The following LAMA5 variants were observed in gnomAD, a reference collection of about 807,000 sequenced individuals.
The protein encoded by LAMA5 is laminin subunit alpha-5.
LAMA5 carries 260 observed loss-of-function variants against 433.4 expected under a neutral mutation model. That is an observed-to-expected ratio of 0.60 (90% CI 0.54 to 0.66). The LOEUF is 0.66. LAMA5 is among the 30% of genes least tolerant of loss of function. The pLI is 0.00. For synonymous variants in LAMA5, 2,620 were observed against 2,226.6 expected, an observed-to-expected ratio of 1.18 and a Z score of -4.97; for missense variants, 5,378 against 5,258.5, an observed-to-expected ratio of 1.02 and a Z score of -0.70.
At chr20:62,319,468 G>A (rs539692703) in intron 51 of LAMA5, among the ~76,000 whole-genome samples, 36 of 152,262 alleles carry the variant, frequency 2.4e-4, no homozygotes, top group South Asian at 2.1e-3. Context: ...GGAGGCTGTC[G>A]AGGGGTCTGA....
At position 62,314,698 on chromosome 20, in the gene LAMA5, G is replaced by A. The variant is rs1276670963; in HGVS notation, c.8224C>T (p.Arg2742Cys). The change falls in exon 61 of 80, where the codon CGC becomes TGC. Residue 2742 changes from arginine to cysteine, a missense_variant. Physicochemically the swap from Arg to Cys is radical, Grantham distance 180 (BLOSUM62 -3). Coordinates refer to ENST00000252999, the MANE Select transcript of LAMA5 (RefSeq NM_005560.6). ...GGGGTGCGCAGCTGCACCCCTGAGC[G>A]CCCGTTGAACTTCATGGGCACCTTG... ...KVKVPMKFNGRSGVQLRTPRD... is the reference protein window; with the variant it reads ...KVKVPMKFNGCSGVQLRTPRD... 10 of 1,612,592 alleles carry A rather than the reference G, an allele frequency of 6.2e-6. No individual in the cohort carries two copies. Among genetic ancestry groups the A allele is most frequent in the Middle Eastern group, 1.7e-4 (1 of 6,052 alleles).
chr20:62,323,903 G>T (rs772454931), intron 43 of LAMA5, 47 bp from the exon 44 acceptor site: 1 of 1,542,650 alleles, frequency 6.5e-7, no homozygotes, highest in Non-Finnish European at 8.8e-7. Flanking sequence ...GCAGTGCCCG[G>T]GCCCGGGCGA....
rs1268920441 is a variant in LAMA5 at position 62,327,855 on chromosome 20, C to T, written c.4797+11G>A. 6.2e-7 allele frequency: 1 copy of T among 1,600,304 alleles called. No individual in the cohort carries two copies. The highest frequency in any genetic ancestry group is 1.1e-5 in the South Asian group (1 of 89,428). On this transcript the variant is annotated intron_variant, in intron 36 of 79. Coordinates refer to ENST00000252999, the MANE Select transcript of LAMA5 (RefSeq NM_005560.6). ...AGGGAGAGGCCAGATCTGGGCCCAG[C>T]CCTCACTCACCTTACAGTAGCACTG... is the stretch of plus-strand genomic sequence containing the variant.
At position 62,312,908 on chromosome 20, in the gene LAMA5, G is replaced by C. The variant is rs138425104; in HGVS notation, c.9058C>G (p.Leu3020Val). 64 of 1,583,276 alleles carry C rather than the reference G, an allele frequency of 4.0e-5. No individual in the cohort carries two copies. Among genetic ancestry groups the C allele is most frequent in the Non-Finnish European group, 5.2e-5 (60 of 1,163,164 alleles). The change falls in exon 66 of 80, where the codon CTG (leucine) becomes GTG (valine). Residue 3020 changes from leucine (L) to valine (V), a missense_variant. By Grantham distance (32) the Leu-to-Val change is conservative (BLOSUM62 1). Transcript: ENST00000252999. ...CCTACCGCCTTGCTGGCCGAGGTCA[G>C]GGGCGGTGGGGGCTGCAGTGGGACG... ...KAVPLQPPPP[L>V]TSASKAIQVF...
rs1215136611 is a variant in LAMA5 at position 62,311,390 on chromosome 20, G to A, written c.9942+11C>T. 1.3e-6 allele frequency: 2 copies of A among 1,550,532 alleles called. No homozygotes were observed. The highest frequency in any genetic ancestry group is 1.7e-6 in the Non-Finnish European group (2 of 1,146,418). ...ACCCCAGCTCTGCCTGCTCACCCCT[G>A]GGGTGCCCACCTTCCGGGCGGTGGC... On this transcript the variant is annotated intron_variant, in intron 72 of 79. Coordinates refer to ENST00000252999, the MANE Select transcript of LAMA5 (RefSeq NM_005560.6).
intron 45 of LAMA5, 108 bp from the exon 46 acceptor site, chr20:62,322,866 A>C (rs1978535216): frequency 1.4e-6 from 1 of 714,140 alleles, no homozygotes; most frequent in South Asian, 2.1e-5. Flanking sequence ...TGTCTCCTCC[A>C]GGCCGCCCGG....
At chr20:62,341,267 T>G (rs1414007653) in intron 11 of LAMA5, among the ~76,000 whole-genome samples, 1 of 150,946 alleles carries the variant, frequency 6.6e-6, no homozygotes, top group East Asian at 1.9e-4. Flanking sequence ...TGAAAGAAAA[T>G]AAAACCCCAA....
Position 62,311,089 on chromosome 20 carries a change from CTG to C in LAMA5, c.10092_10093del (p.Ser3367HisfsTer175), listed in dbSNP as rs1986218490. ...TCGCGGGAGGACGTGCATGGAGAGA[CTG>C]GGCCTGGAAGCGGAGCTGGCGTCAG... On this transcript the variant is annotated frameshift_variant, in exon 74 of 80. Transcript: ENST00000252999. LOFTEE classifies it high-confidence loss of function. 1 of 1,577,314 alleles carries C rather than the reference CTG, an allele frequency of 6.3e-7. No homozygotes were observed.
At chr20:62,312,837 C>T (rs781397447) in intron 66 of LAMA5, 51 bp downstream of exon 66, 15 of 1,601,858 alleles carry the variant, frequency 9.4e-6, no homozygotes, top group African/African-American at 2.7e-5. Flanking sequence ...TGCCCCGCCC[C>T]CATCGTTCCA....
Position 62,317,432 on chromosome 20 carries a change from A to G in LAMA5, c.7424T>C (p.Phe2475Ser), listed in dbSNP as rs1568906517. 3.7e-6 allele frequency: 6 copies of G among 1,605,436 alleles called. No individual in the cohort carries two copies. Among genetic ancestry groups the G allele is most frequent in the East Asian group, 4.5e-5 (2 of 44,736 alleles). ...RTPLLQRMQT[F>S]SPAGSKLRLV... Reference sequence around the variant, plus strand: ...ACGCAGCTTGCTGCCCGCCGGGGAGAAGGTCTGCATCCTCTGCAGCAGTGG... The same window carrying G: ...ACGCAGCTTGCTGCCCGCCGGGGAGGAGGTCTGCATCCTCTGCAGCAGTGG... Residue 2475 changes from phenylalanine to serine, a missense_variant, in exon 55 of 80, where the codon TTC becomes TCC. Transcript: ENST00000252999.
chr20:62,347,336 T>C (rs1601397661), intron 6 of LAMA5, among the ~76,000 whole-genome samples: 1 of 151,924 alleles, frequency 6.6e-6, no homozygotes, highest in South Asian at 2.1e-4. Context: ...ACTGACCGGG[T>C]GGGGCCTAGG....
At position 62,310,000 on chromosome 20, in the gene LAMA5, G is replaced by A; in HGVS notation, c.10816C>T (p.His3606Tyr). 1 of 1,610,884 alleles carries A rather than the reference G, an allele frequency of 6.2e-7. No individual in the cohort carries two copies. The highest frequency in any genetic ancestry group is 1.1e-5 in the South Asian group (1 of 91,058). Reference protein sequence around the residue: ...RPSVLCDGQWHRLAVMKSGNV... With the variant: ...RPSVLCDGQWYRLAVMKSGNV... ...GGAGGGGCCTCACCCGCTAGCCGGT[G>A]CCACTGGCCATCACACAGCACTGAG... The change falls in exon 78 of 80, where the codon CAC (histidine) becomes TAC (tyrosine). Residue 3606 changes from histidine (H) to tyrosine (Y), a missense_variant. Physicochemically the swap from His to Tyr is moderately conservative, Grantham distance 83. Coordinates refer to ENST00000252999, the MANE Select transcript of LAMA5 (RefSeq NM_005560.6).
intron 2 of LAMA5, among the ~76,000 whole-genome samples, chr20:62,355,948 C>T (rs1985152517): frequency 6.6e-6 from 1 of 152,228 alleles, no homozygotes; most frequent in African/African-American, 2.4e-5. Context: ...CTGGGAGCCG[C>T]CCCCGCTGTT....
chr20:62,310,439 C>T lies in LAMA5; in HGVS notation c.10580G>A (p.Ser3527Asn). 9 of 1,604,848 alleles carry T rather than the reference C, an allele frequency of 5.6e-6. No individual in the cohort carries two copies. The highest frequency in any genetic ancestry group is 7.6e-6 in the Non-Finnish European group (9 of 1,176,708). The change falls in exon 76 of 80, where the codon AGC (serine) becomes AAC (asparagine). Residue 3527 changes from serine (S) to asparagine (N), a missense_variant. Ser to Asn is a conservative substitution (Grantham distance 46). Coordinates refer to ENST00000252999, the MANE Select transcript of LAMA5 (RefSeq NM_005560.6). ...CAGACCTAAAGTGATAACTCCCCCG[C>T]TGCCTGGGAAGAACAGGCCCGCCTC... ...PLEAGLFFPG[S>N]GGVITLDLPG... is the part of the protein sequence containing the mutation.
chr20:62,326,637 G>T, intron 40 of LAMA5, 40 bp downstream of exon 40: 1 of 1,533,392 alleles, frequency 6.5e-7, no homozygotes, highest in Admixed American at 1.7e-5. Context: ...ATGAGCTGAG[G>T]TCCATGAGGG....
Position 62,317,675 on chromosome 20 carries a change from T to A in LAMA5, c.7343A>T (p.Asp2448Val), listed in dbSNP as rs755967609. 6.3e-6 allele frequency: 10 copies of A among 1,590,562 alleles called. No individual in the cohort carries two copies. In the South Asian group the frequency reaches 1.0e-4, roughly 16 times the overall value. ...ASVFRLLHSL[D>V]QAKEELERLA... is the part of the protein sequence containing the mutation. ...GGCTGCACTCACCTCCTTAGCCTGG[T>A]CCAGGCTGTGCAGCAATCTGAAGAC... The change falls in exon 54 of 80, where the codon GAC becomes GTC. Residue 2448 changes from aspartate (D) to valine (V), a missense_variant. Transcript: ENST00000252999.
At chr20:62,337,221 G>GCA (rs1431172933) in intron 16 of LAMA5, among the ~76,000 whole-genome samples, 2 of 151,304 alleles carry the variant, frequency 1.3e-5, no homozygotes, top group African/African-American at 2.4e-5. Context: ...TGCGACACGC[G>GCA]CCCACATGCG....
chr20:62,353,201 C>T lies in LAMA5; in HGVS notation c.501G>A (p.Pro167=), dbSNP rs142492516. ...VLIKFANSPR[P]DLWVLERSMD... ...TGGACCGCTCCAGCACCCAGAGGTC[C>T]GGCCGGGGTGAGTTGGCAAACTTGA... Residue 167 remains proline, a synonymous_variant, in exon 3 of 80, where the codon CCG becomes CCA. Coordinates refer to ENST00000252999, the MANE Select transcript of LAMA5 (RefSeq NM_005560.6). 208 of 1,587,968 alleles carry T rather than the reference C, an allele frequency of 1.3e-4. 1 individual carries two copies. Among genetic ancestry groups the T allele is most frequent in the African/African-American group, 8.9e-4 (66 of 74,510 alleles).
chr20:62,316,876 C>A lies in LAMA5; in HGVS notation c.7653+6G>T, dbSNP rs1450971310. On this transcript the variant is annotated splice_donor_region_variant and intron_variant, in intron 56 of 79. Coordinates refer to ENST00000252999, the MANE Select transcript of LAMA5 (RefSeq NM_005560.6). ...GCTGGGGCTGAGGGGAAGTGAGGGG[C>A]CTCACCGCCCACGTGTGGTCCGCCT... 6.5e-7 allele frequency: 1 copy of A among 1,529,676 alleles called. No homozygotes were observed. Among genetic ancestry groups the A allele is most frequent in the Non-Finnish European group, 8.8e-7 (1 of 1,137,644 alleles). The allele number at this position is 1,529,676 out of a possible 1,614,324, so 94.8% of individuals were successfully genotyped here.
Sources: gnomAD v4.1 joint callset for allele counts (sites outside exome capture counted in the v4.1 genomes callset) on GRCh38, gnomAD v4.1.1 for gene constraint, MANE v1.5 for transcripts, NCBI Gene and HGNC (gene_info 2026-07-23, HGNC 2026-07-21) for gene names.